FGF10: variants seen among roughly 807,000 people sequenced by gnomAD.
The protein encoded by FGF10 is fibroblast growth factor 10.
In FGF10, 2 loss-of-function variants were observed where a neutral mutation model predicts 19.8. The ratio of observed to expected loss-of-function variants is 0.10; its 90% CI spans 0.04 to 0.32. The LOEUF (loss-of-function observed/expected upper bound fraction) is 0.32. FGF10 is among the 10% of genes least tolerant of loss of function. The probability of loss-of-function intolerance (pLI) is 1.00; values close to 1 mark genes in which losing one functional copy is unlikely to be tolerated. For synonymous variants in FGF10, 112 were observed against 94.0 expected (o/e 1.19, Z -1.10); for missense variants, 191 against 246.3 (o/e 0.78, Z 1.50).
chr5:44,380,951 C>G (rs750607404), intron 1 of FGF10, among the ~76,000 whole-genome samples: 6 of 152,188 alleles, frequency 3.9e-5, no homozygotes, highest in Non-Finnish European at 7.3e-5. Context: ...GAGACCCTGT[C>G]TTCAAAATCA....
At chr5:44,343,503 G>T (rs988024488) in intron 1 of FGF10, among the ~76,000 whole-genome samples, 2 of 151,554 alleles carry the variant, frequency 1.3e-5, no homozygotes, top group Non-Finnish European at 2.9e-5. Context: ...TATGTTGAGG[G>T]TATATGAGAT....
rs764913349 is a variant in FGF10, at chr5:44,376,490, C to CAAAAAAAAAAAAAAAAAAAA, written c.325+11848_325+11867dup. On this transcript the variant is annotated intron_variant, in intron 1 of 2. Coordinates refer to ENST00000264664, the MANE Select transcript of FGF10 (RefSeq NM_004465.2). The stretch of plus-strand genomic sequence containing the variant: ...CTAAGACAAGTTAGAATACAAATGC[C>CAAAAAAAAAAAAAAAAAAAA]AAAAAAAAAAAAAAAAAAAAAAAAA... Among the ~76,000 whole-genome samples, 49 of 34,526 alleles carry CAAAAAAAAAAAAAAAAAAAA rather than the reference C, an allele frequency of 1.4e-3. 5 individuals are homozygous for CAAAAAAAAAAAAAAAAAAAA. Among genetic ancestry groups the CAAAAAAAAAAAAAAAAAAAA allele is most frequent in the Non-Finnish European group, 1.7e-3 (30 of 17,756 alleles). The allele number at this position is 34,526 out of a possible 152,430, so 22.7% of individuals were successfully genotyped here.
intron 1 of FGF10, among the ~76,000 whole-genome samples, chr5:44,313,636 T>C (rs921149320): frequency 4.6e-5 from 7 of 151,760 alleles, no homozygotes; most frequent in African/African-American, 1.2e-4. Flanking sequence ...ATATTATTAA[T>C]GAAAGGACAC....
chr5:44,350,714 T>G (rs937867110), intron 1 of FGF10, among the ~76,000 whole-genome samples: 1 of 151,166 alleles, frequency 6.6e-6, no homozygotes, highest in African/African-American at 2.4e-5. Flanking sequence ...AATAAAAATG[T>G]TTTATTCTAT....
At chr5:44,376,181 A>G (rs1367576298) in intron 1 of FGF10, among the ~76,000 whole-genome samples, 1 of 151,986 alleles carries the variant, frequency 6.6e-6, no homozygotes, top group Non-Finnish European at 1.5e-5. Flanking sequence ...CATTCTTCCA[A>G]CAGTGGTGAG....
At chr5:44,310,368 T>C (rs1579893973) in intron 2 of FGF10, 59 bp downstream of exon 2, 1 of 1,237,798 alleles carries the variant, frequency 8.1e-7, no homozygotes, top group African/African-American at 1.5e-5. Flanking sequence ...GAGGAAACTT[T>C]CCAAAACTAT....
chr5:44,307,220 G>T (rs17234597), intron 2 of FGF10, among the ~76,000 whole-genome samples: 26,421 of 152,058 alleles, frequency 0.17, 2,651 homozygotes, highest in Admixed American at 0.29. Flanking sequence ...TGGGCCAAAG[G>T]TACCAAATCT....
intron 1 of FGF10, among the ~76,000 whole-genome samples, chr5:44,340,134 G>A (rs578225917): frequency 7.6e-4 from 115 of 152,178 alleles, no homozygotes; most frequent in African/African-American, 2.7e-3. Flanking sequence ...AGGAGAAATG[G>A]AGTTAAAGAA....
chr5:44,323,647 C>T (rs538787219), intron 1 of FGF10, among the ~76,000 whole-genome samples: 1 of 152,110 alleles, frequency 6.6e-6, no homozygotes, highest in Non-Finnish European at 1.5e-5. Context: ...TCATGAAACA[C>T]TTTTATTAAG....
In FGF10 at chr5:44,300,439, A is replaced by C. The variant is rs1182694648; in HGVS notation, c.*4556T>G. ...AGCTTTTTATTCAGTGAAAACTTGC[A>C]TTCATCCCAATATAAAGTTTGCAAA... On this transcript the variant is annotated 3_prime_UTR_variant, in exon 3 of 3. Coordinates refer to ENST00000264664, the MANE Select transcript of FGF10 (RefSeq NM_004465.2). Among the ~76,000 whole-genome samples, 2 of 152,140 alleles carry C rather than the reference A, an allele frequency of 1.3e-5. No homozygotes were observed. The highest frequency in any genetic ancestry group is 1.3e-4 in the Admixed American group (2 of 15,248).
intron 1 of FGF10, among the ~76,000 whole-genome samples, chr5:44,356,671 G>A (rs1374954437): frequency 2.0e-5 from 3 of 151,380 alleles, no homozygotes; most frequent in African/African-American, 7.3e-5. Context: ...ATATTGTACA[G>A]CATTATCAAC....
intron 1 of FGF10, among the ~76,000 whole-genome samples, chr5:44,346,326 C>A (rs974154181): frequency 3.3e-5 from 5 of 151,536 alleles, no homozygotes; most frequent in South Asian, 2.1e-4. Flanking sequence ...TCCCAGTCCC[C>A]AAAATAAAGT....
chr5:44,385,402 G>T (rs17227564), intron 1 of FGF10, among the ~76,000 whole-genome samples: 3,942 of 152,240 alleles, frequency 0.026, 79 homozygotes, highest in Non-Finnish European at 0.037. Flanking sequence ...ATGAATGATT[G>T]TCTTACTTCC....
chr5:44,388,823 A>G lies in FGF10; in HGVS notation c.-141T>C. On this transcript the variant is annotated 5_prime_UTR_variant, in exon 1 of 3. Transcript: ENST00000264664. ...CTGGGCGCGGATCTGGCCAGAAGTG[A>G]ATGCACCAACATCCATAACTCCTCG... 3.7e-6 allele frequency: 3 copies of G among 812,804 alleles called. No homozygotes were observed. Among genetic ancestry groups the G allele is most frequent in the Non-Finnish European group, 4.2e-6 (2 of 476,190 alleles). 50.3% of individuals were successfully genotyped at this position (812,804 alleles called of 1,614,324 possible).
chr5:44,360,582 C>T (rs1048976028), intron 1 of FGF10, among the ~76,000 whole-genome samples: 5 of 151,594 alleles, frequency 3.3e-5, no homozygotes, highest in African/African-American at 1.2e-4. Flanking sequence ...CTTCTCATAC[C>T]TACCTCTGTA....
chr5:44,343,681 A>G (rs932867241), intron 1 of FGF10, among the ~76,000 whole-genome samples: 1 of 151,946 alleles, frequency 6.6e-6, no homozygotes, highest in African/African-American at 2.4e-5. Context: ...AACAAATGAA[A>G]TCTGAGGCCT....
intron 1 of FGF10, among the ~76,000 whole-genome samples, chr5:44,383,044 T>C (rs908901330): frequency 6.6e-6 from 1 of 152,112 alleles, no homozygotes; most frequent in African/African-American, 2.4e-5. Flanking sequence ...TGCACTACAA[T>C]GTCAGATAAG....
At chr5:44,337,965 A>G (rs1740890971) in intron 1 of FGF10, among the ~76,000 whole-genome samples, 1 of 152,214 alleles carries the variant, frequency 6.6e-6, no homozygotes, top group Non-Finnish European at 1.5e-5. Flanking sequence ...TATTACAATT[A>G]TTATGTGTAA....
At chr5:44,382,177 G>A (rs1056786534) in intron 1 of FGF10, among the ~76,000 whole-genome samples, 9 of 152,162 alleles carry the variant, frequency 5.9e-5, no homozygotes, top group African/African-American at 2.2e-4. Context: ...GCAGTAAAAA[G>A]TCACTGTCCA....
Sources: gnomAD v4.1 joint callset for allele counts (sites outside exome capture counted in the v4.1 genomes callset) on GRCh38, gnomAD v4.1.1 for gene constraint, MANE v1.5 for transcripts, NCBI Gene and HGNC (gene_info 2026-07-23, HGNC 2026-07-21) for gene names.